Variants in CNTNAP2 observed in about 807,000 individuals in gnomAD.
CNTNAP2 encodes the protein contactin-associated protein-like 2.
In CNTNAP2, 98 loss-of-function variants were observed where a neutral mutation model predicts 155.2. The observed-to-expected ratio is 0.63, with a 90% confidence interval of 0.54 to 0.75. CNTNAP2 has a LOEUF of 0.75. CNTNAP2 is among the 30% of genes least tolerant of loss of function. The probability of loss-of-function intolerance (pLI) is 0.00; values close to 1 mark genes in which losing one functional copy is unlikely to be tolerated. For missense variants in CNTNAP2, 1,727 were observed against 1,688.1 expected (o/e 1.02, Z -0.40); for synonymous variants, 651 against 631.2 (o/e 1.03, Z -0.47).
intron 1 of CNTNAP2, among the ~76,000 whole-genome samples, chr7:146,547,443 C>A (rs1007490831): frequency 6.6e-6 from 1 of 151,852 alleles, no homozygotes; most frequent in African/African-American, 2.4e-5. Flanking sequence ...TCCAGACCTC[C>A]CTGATTTTGC....
chr7:147,304,740 C>G (rs1204566306), intron 9 of CNTNAP2, among the ~76,000 whole-genome samples: 1 of 152,176 alleles, frequency 6.6e-6, no homozygotes, highest in Non-Finnish European at 1.5e-5. Context: ...GGGCACATCT[C>G]TTTCCAGCTC....
chr7:146,419,740 G>A (rs1238149773), intron 1 of CNTNAP2, among the ~76,000 whole-genome samples: 1 of 152,002 alleles, frequency 6.6e-6, no homozygotes, highest in African/African-American at 2.4e-5. Flanking sequence ...TGTTAATACG[G>A]CTTCTATCCA....
chr7:147,269,914 G>A (rs1401225813), intron 8 of CNTNAP2, among the ~76,000 whole-genome samples: 1 of 152,128 alleles, frequency 6.6e-6, no homozygotes, highest in East Asian at 1.9e-4. Context: ...ATTAAAAAAT[G>A]AGTTGGGTTT....
chr7:147,405,277 A>G (rs1366591688), intron 10 of CNTNAP2, among the ~76,000 whole-genome samples: 2 of 152,214 alleles, frequency 1.3e-5, no homozygotes, highest in Non-Finnish European at 2.9e-5. Context: ...CAAAATAAAA[A>G]TAAGAGCAAT....
At chr7:147,590,806 T>C (rs192462921) in intron 12 of CNTNAP2, among the ~76,000 whole-genome samples, 220 of 152,256 alleles carry the variant, frequency 1.4e-3, no homozygotes, top group African/African-American at 4.9e-3. Context: ...CATAGAATGA[T>C]GAGGAAAGCC....
chr7:146,933,132 C>T (rs1276150078), intron 3 of CNTNAP2, among the ~76,000 whole-genome samples: 10 of 151,950 alleles, frequency 6.6e-5, no homozygotes, highest in African/African-American at 2.4e-4. Flanking sequence ...ATCGCCAAGT[C>T]AATCCTAAGC....
chr7:147,322,680 A>T (rs2116823582), intron 9 of CNTNAP2, among the ~76,000 whole-genome samples: 1 of 144,566 alleles, frequency 6.9e-6, no homozygotes, highest in South Asian at 2.3e-4. Flanking sequence ...CTCTGGTAGA[A>T]TTCGGCTGTG....
At chr7:147,920,332 G>C (rs1358034397) in intron 14 of CNTNAP2, among the ~76,000 whole-genome samples, 2 of 136,962 alleles carry the variant, frequency 1.5e-5, no homozygotes, top group Non-Finnish European at 3.0e-5. Context: ...CTCCAACCTG[G>C]GTGACAGAGG....
intron 3 of CNTNAP2, among the ~76,000 whole-genome samples, chr7:146,944,224 G>T (rs1584738868): frequency 7.0e-6 from 1 of 143,604 alleles, no homozygotes; most frequent in African/African-American, 2.5e-5. Flanking sequence ...TCATCTACAG[G>T]TTTTTTTTTT....
At chr7:146,959,058 C>T (rs1439924842) in intron 3 of CNTNAP2, among the ~76,000 whole-genome samples, 12 of 151,654 alleles carry the variant, frequency 7.9e-5, no homozygotes, top group African/African-American at 2.4e-4. Flanking sequence ...CTTGCTCTGT[C>T]GCCCAGGCTG....
At chr7:148,020,010 C>G (rs1802253521) in intron 15 of CNTNAP2, among the ~76,000 whole-genome samples, 1 of 152,182 alleles carries the variant, frequency 6.6e-6, no homozygotes, top group Non-Finnish European at 1.5e-5. Context: ...TTTTTGAACT[C>G]CTGACCTCAG....
At position 147,501,299 on chromosome 7, in the gene CNTNAP2, C is replaced by T. The variant is rs375840554; in HGVS notation, c.1777+15258C>T. On this transcript the variant is annotated intron_variant, in intron 11 of 23. Transcript: ENST00000361727. ...TCATCCTCAATGGTGAAAAACTGAA[C>T]GCTTTCCCTCAAGGATCAGGAAAAA... 1.8e-4 allele frequency among the ~76,000 whole-genome samples: 27 copies of T among 151,904 alleles called. No homozygotes were observed. The South Asian group carries it at 1.9e-3, about 11-fold the overall frequency.
chr7:146,675,408 T>C (rs1399924303), intron 1 of CNTNAP2, among the ~76,000 whole-genome samples: 1 of 152,188 alleles, frequency 6.6e-6, no homozygotes. Context: ...CTAGCAATCT[T>C]ACTAGTTTCA....
At chr7:146,791,910 C>T (rs1412399504) in intron 2 of CNTNAP2, among the ~76,000 whole-genome samples, 2 of 152,132 alleles carry the variant, frequency 1.3e-5, no homozygotes, top group Admixed American at 6.5e-5. Flanking sequence ...TTCCTTTGTC[C>T]TCAACTCTTG....
intron 1 of CNTNAP2, among the ~76,000 whole-genome samples, chr7:146,744,497 T>C (rs1248967543): frequency 1.3e-5 from 2 of 152,188 alleles, no homozygotes; most frequent in East Asian, 1.9e-4. Flanking sequence ...CAAGTAGTTA[T>C]TATATAATTA....
Position 146,250,902 on chromosome 7 carries a change from T to C in CNTNAP2, c.97+133929T>C, listed in dbSNP as rs1334452132. On this transcript the variant is annotated intron_variant, in intron 1 of 23. Transcript: ENST00000361727. ...AAAGATATAAAATTACCATGCATAC[T>C]GTCTTTCAATAACATAACAAGACTG... 2.6e-5 allele frequency among the ~76,000 whole-genome samples: 4 copies of C among 152,352 alleles called. No homozygotes were observed. In the South Asian group the frequency reaches 8.3e-4, roughly 32 times the overall value.
At chr7:147,158,087 C>T (rs957957459) in intron 8 of CNTNAP2, among the ~76,000 whole-genome samples, 6 of 152,036 alleles carry the variant, frequency 3.9e-5, no homozygotes, top group African/African-American at 1.4e-4. Context: ...GCAAATCTCT[C>T]GTTTCTTTGA....
At chr7:147,594,497 A>G (rs552341625) in intron 12 of CNTNAP2, among the ~76,000 whole-genome samples, 1 of 152,334 alleles carries the variant, frequency 6.6e-6, no homozygotes, top group Admixed American at 6.5e-5. Flanking sequence ...CTGCTTATGA[A>G]TTAACAAATA....
chr7:148,204,699 C>T (rs566280126), intron 18 of CNTNAP2, among the ~76,000 whole-genome samples: 3 of 152,232 alleles, frequency 2.0e-5, no homozygotes, highest in Non-Finnish European at 2.9e-5. Flanking sequence ...TATCTCATTT[C>T]GTTTTTAATT....
Sources: gnomAD v4.1 joint callset for allele counts (sites outside exome capture counted in the v4.1 genomes callset) on GRCh38, gnomAD v4.1.1 for gene constraint, MANE v1.5 for transcripts, NCBI Gene and HGNC (gene_info 2026-07-23, HGNC 2026-07-21) for gene names.